RUNX1: variants seen among roughly 807,000 people sequenced by gnomAD.
The protein encoded by RUNX1 is runt-related transcription factor 1.
A neutral mutation model predicts 42.8 loss-of-function variants in RUNX1; 19 were observed. The observed-to-expected ratio is 0.44, with a 90% CI of 0.31 to 0.65. The LOEUF (loss-of-function observed/expected upper bound fraction) is 0.65, where lower values mean the gene tolerates loss of function less well. RUNX1 is among the 30% of genes least tolerant of loss of function. The pLI, the probability that RUNX1 is intolerant of heterozygous loss-of-function variation, is 0.07. For missense variants in RUNX1, 528 were observed against 672.0 expected (o/e 0.79, Z 2.37); for synonymous variants, 271 against 289.4 (o/e 0.94, Z 0.64).
In RUNX1 at chr21:34,859,328, A is replaced by C. The variant is rs552345450; in HGVS notation, c.613+146T>G. 4 of 699,738 alleles carry C rather than the reference A, an allele frequency of 5.7e-6. No individual in the cohort carries two copies. The South Asian group carries it at 6.5e-5, about 11-fold the overall frequency. 43.3% of individuals were successfully genotyped at this position (699,738 alleles called of 1,614,324 possible). A position where few individuals can be genotyped will look rare whatever the true frequency, so the allele number is the denominator to read the frequency against. On this transcript the variant is annotated intron_variant, in intron 6 of 8. Transcript: ENST00000675419. ...AGCTTTGAGTAGCGAGAGTATTGACAATGCAACTTTTTGGCTTTACGGGGG... is the reference window on the plus strand; with the variant it reads ...AGCTTTGAGTAGCGAGAGTATTGACCATGCAACTTTTTGGCTTTACGGGGG...
intron 2 of RUNX1, among the ~76,000 whole-genome samples, chr21:34,911,181 T>C (rs181713054): frequency 4.9e-4 from 75 of 152,302 alleles, no homozygotes; most frequent in African/African-American, 1.7e-3. Flanking sequence ...ATATGCATCA[T>C]ACAGCTGCTT....
chr21:34,978,647 G>A (rs1392952837), intron 2 of RUNX1, among the ~76,000 whole-genome samples: 1 of 152,070 alleles, frequency 6.6e-6, no homozygotes, highest in African/African-American at 2.4e-5. Context: ...TGGTTAAAAA[G>A]CACGAAACTT....
chr21:34,860,181 T>C (rs2057552815), intron 5 of RUNX1, among the ~76,000 whole-genome samples: 1 of 152,242 alleles, frequency 6.6e-6, no homozygotes, highest in African/African-American at 2.4e-5. Flanking sequence ...TGGACTTAAG[T>C]ATATGTAACT....
rs2058233532 is a variant in RUNX1 at position 34,907,615 on chromosome 21, A to G, written c.59-14652T>C. ...GTGTTTGGCTCCCTGTGACTCTCTG[A>G]AGTTCTCCTTTCTGTGCCTCCGCTT... On this transcript the variant is annotated intron_variant, in intron 2 of 8. Transcript: ENST00000675419. This position sits in a 1 kb window ranked among gnomAD's most constrained non-coding sequence, Gnocchi z 5.3. Among the ~76,000 whole-genome samples the G allele has an allele frequency of 6.6e-6, 1 of 150,554 alleles. No homozygotes were observed. Among genetic ancestry groups the G allele is most frequent in the African/African-American group, 2.4e-5 (1 of 41,156 alleles).
At chr21:35,029,149 C>A (rs1450557580) in intron 2 of RUNX1, among the ~76,000 whole-genome samples, 10 of 152,184 alleles carry the variant, frequency 6.6e-5, no homozygotes, top group Non-Finnish European at 1.5e-4. Flanking sequence ...CTCTGGCTGG[C>A]TTCCCTTCTT....
Position 34,792,088 on chromosome 21 carries a change from G to A in RUNX1, c.*47C>T, listed in dbSNP as rs2056445179. ...CGAACAGGAGGCCCGCGCGCCCGGA[G>A]GCGAAGGCGGCGGCCCGCGGGGCCC... On this transcript the variant is annotated 3_prime_UTR_variant, in exon 9 of 9. Transcript: ENST00000675419. This position sits in a 1 kb window ranked among gnomAD's most constrained non-coding sequence, Gnocchi z 6.9. 9.0e-6 allele frequency: 11 copies of A among 1,228,228 alleles called. No individual in the cohort carries two copies. The highest frequency in any genetic ancestry group is 6.1e-5 in the South Asian group (3 of 48,966). 76.1% of individuals were successfully genotyped at this position (1,228,228 alleles called of 1,614,324 possible).
rs748629722 is a variant in RUNX1, at chr21:34,792,516, G to A, written c.1062C>T (p.Thr354=). ...DPRMHYPGAF[T]YSPTPVTSGI... Reference sequence around the variant, plus strand: ...CCGAGGTGACCGGCGTCGGGGAGTAGGTGAAGGCGCCTGGATAGTGCATGC... The same window carrying A: ...CCGAGGTGACCGGCGTCGGGGAGTAAGTGAAGGCGCCTGGATAGTGCATGC... Residue 354 remains threonine, a synonymous_variant, in exon 9 of 9, where the codon ACC becomes ACT. Coordinates refer to ENST00000675419, the MANE Select transcript of RUNX1 (RefSeq NM_001754.5). The surrounding 1 kb of genome is among the most constrained non-coding windows in gnomAD (Gnocchi z 6.9). 1.9e-6 allele frequency: 3 copies of A among 1,604,066 alleles called. No individual in the cohort carries two copies. Among genetic ancestry groups the A allele is most frequent in the South Asian group, 1.1e-5 (1 of 89,338 alleles).
intron 2 of RUNX1, among the ~76,000 whole-genome samples, chr21:35,016,518 T>C (rs776586201): frequency 6.6e-6 from 1 of 152,190 alleles, no homozygotes; most frequent in Non-Finnish European, 1.5e-5. Context: ...GGACTGCATA[T>C]TGGAGGAGGA....
At chr21:34,834,041 G>A (rs923797612) in intron 7 of RUNX1, 28 of 421,984 alleles carry the variant, frequency 6.6e-5, no homozygotes, top group African/African-American at 2.6e-4. Flanking sequence ...GTGTGTCTGC[G>A]TGTGTGTCTT....
chr21:34,892,932 G>T lies in RUNX1; in HGVS notation c.90C>A (p.Asp30Glu). Residue 30 changes from aspartate (D) to glutamate (E), a missense_variant, in exon 3 of 9, where the codon GAC becomes GAA. By Grantham distance (45) the Asp-to-Glu change is conservative (BLOSUM62 2). This residue lies in a region of RUNX1 where 114 missense variants were observed against 115.0 expected (regional missense o/e 0.99). Coordinates refer to ENST00000675419, the MANE Select transcript of RUNX1 (RefSeq NM_001754.5). ...ACTTGGAATTTAACATACCGTGGAC[G>T]TCTCTAGAAGGATTCATTCCAAGTA... is the stretch of plus-strand genomic sequence containing the variant. The part of the protein sequence containing the change: ...ECILGMNPSR[D>E]VHDASTSRRF... 6.4e-7 allele frequency: 1 copy of T among 1,560,228 alleles called. No individual in the cohort carries two copies. Among genetic ancestry groups the T allele is most frequent in the Non-Finnish European group, 8.8e-7 (1 of 1,132,084 alleles).
chr21:34,951,202 C>T (rs1040636180), intron 2 of RUNX1, among the ~76,000 whole-genome samples: 21 of 152,210 alleles, frequency 1.4e-4, no homozygotes, highest in African/African-American at 4.8e-4. Flanking sequence ...ATAATGTGTT[C>T]TAAAAGTCGG....
At chr21:34,846,066 C>G (rs1172264959) in intron 6 of RUNX1, among the ~76,000 whole-genome samples, 2 of 152,096 alleles carry the variant, frequency 1.3e-5, no homozygotes, top group African/African-American at 4.8e-5. Flanking sequence ...ACAATTAAGT[C>G]AACAGAACTC....
intron 6 of RUNX1, among the ~76,000 whole-genome samples, chr21:34,853,957 C>T (rs190663075): frequency 2.6e-5 from 4 of 152,154 alleles, no homozygotes; most frequent in South Asian, 2.1e-4. Context: ...GGACTACAGG[C>T]GTGTACCACC....
At chr21:35,046,625 A>T (rs1207572703) in intron 2 of RUNX1, among the ~76,000 whole-genome samples, 4 of 152,184 alleles carry the variant, frequency 2.6e-5, no homozygotes, top group African/African-American at 9.7e-5. Context: ...ACGGTATCAA[A>T]AGAAATGATA....
chr21:34,959,055 T>G (rs1053963848), intron 2 of RUNX1, among the ~76,000 whole-genome samples: 134 of 122,934 alleles, frequency 1.1e-3, no homozygotes, highest in Admixed American at 1.7e-3. Context: ...TGTTGTGGGG[T>G]GGGGGGAGTG....
chr21:34,875,113 A>T (rs2057795285), intron 5 of RUNX1, among the ~76,000 whole-genome samples: 1 of 152,272 alleles, frequency 6.6e-6, no homozygotes, highest in Non-Finnish European at 1.5e-5. Flanking sequence ...CAAAATCAGC[A>T]AGAAAACTAT....
chr21:35,007,018 C>G (rs1025819943), intron 2 of RUNX1, among the ~76,000 whole-genome samples: 1 of 152,182 alleles, frequency 6.6e-6, no homozygotes, highest in African/African-American at 2.4e-5. Context: ...ATTGGTGCCA[C>G]CAGCCCCATG....
intron 5 of RUNX1, among the ~76,000 whole-genome samples, chr21:34,860,530 C>CGTGTGTGTGTGTGT (rs34768937): frequency 1.3e-5 from 2 of 149,436 alleles, no homozygotes; most frequent in African/African-American, 4.9e-5. Flanking sequence ...TGTGTCTGTG[C>CGTGTGTGTGTGTGT]GTGTGTGTGT....
chr21:34,854,389 G>C (rs936711330), intron 6 of RUNX1, among the ~76,000 whole-genome samples: 1 of 151,958 alleles, frequency 6.6e-6, no homozygotes, highest in South Asian at 2.1e-4. Flanking sequence ...TCTACAGTTT[G>C]TAAGTAATGG....
Sources: allele counts gnomAD v4.1 joint callset (sites outside exome capture counted in the v4.1 genomes callset), GRCh38; gene constraint gnomAD v4.1.1; regional missense constraint gnomAD v4.1.1; non-coding constraint Gnocchi (gnomAD v3.1); transcripts MANE v1.5; gene names NCBI Gene and HGNC (gene_info 2026-07-23, HGNC 2026-07-21).